The following RCBTB1 variants were observed in gnomAD, a reference collection of about 807,000 sequenced individuals.
The protein encoded by RCBTB1 is RCC1 and BTB domain containing protein 1.
RCBTB1 carries 46 observed loss-of-function variants against 62.4 expected under a neutral mutation model. The ratio of observed to expected loss-of-function variants is 0.74; its 90% CI spans 0.58 to 0.94. The LOEUF is 0.94. RCBTB1 is among the 40% of genes least tolerant of loss of function. RCBTB1 has a pLI of 0.00. For missense variants in RCBTB1, 565 were observed against 654.9 expected (o/e 0.86, Z 1.50); for synonymous variants, 222 against 245.8 (o/e 0.90, Z 0.91).
At chr13:49,557,751 T>C (rs569191625) in intron 5 of RCBTB1, among the ~76,000 whole-genome samples, 1 of 145,666 alleles carries the variant, frequency 6.9e-6, no homozygotes, top group African/African-American at 2.7e-5. Context: ...CAGATTCTTG[T>C]CTCTACAAAA....
intron 2 of RCBTB1, among the ~76,000 whole-genome samples, 180 bp downstream of exon 2, chr13:49,580,325 C>A (rs1190989931): frequency 6.6e-6 from 1 of 152,148 alleles, no homozygotes; most frequent in East Asian, 1.9e-4. Flanking sequence ...TGGCTCACAC[C>A]TGTAATCCCA....
intron 10 of RCBTB1, among the ~76,000 whole-genome samples, chr13:49,543,625 T>C (rs1402010374): frequency 6.6e-6 from 1 of 152,270 alleles, no homozygotes; most frequent in Non-Finnish European, 1.5e-5. Flanking sequence ...TTTTCTGCAA[T>C]GGCAACCTTT....
At chr13:49,569,718 CA>C (rs111570905) in intron 2 of RCBTB1, among the ~76,000 whole-genome samples, 169 of 131,516 alleles carry the variant, frequency 1.3e-3, no homozygotes, top group Middle Eastern at 3.7e-3. Flanking sequence ...GACCCTGTCT[CA>C]AAAAAAAAAA....
In RCBTB1 at chr13:49,551,124, AG is replaced by A. The variant is rs570398463; in HGVS notation, c.854+201del. 9.4e-4 allele frequency: 336 copies of A among 358,080 alleles called. 1 individual carries two copies. Among genetic ancestry groups the A allele is most frequent in the Admixed American group, 1.9e-3 (29 of 15,306 alleles). 22.2% of individuals were successfully genotyped at this position (358,080 alleles called of 1,614,324 possible). On this transcript the variant is annotated intron_variant, in intron 8 of 12. Coordinates refer to ENST00000378302, the MANE Select transcript of RCBTB1 (RefSeq NM_018191.4). ...AAAAAAGGGAAGGGAAGGGAAGGGA[AG>A]GGGGGAGGGAGAAGGGGGAAGGGGG... is the stretch of plus-strand genomic sequence containing the variant.
In RCBTB1 at chr13:49,566,724, TC is replaced by T. The variant is rs767690421; in HGVS notation, c.170del (p.Gly57GlufsTer12). 7 of 1,614,022 alleles carry T rather than the reference TC, an allele frequency of 4.3e-6. No homozygotes were observed. In the East Asian group the frequency reaches 1.3e-4, roughly 31 times the overall value. ...TGGGTACAAGTGTACTCTGGTTATC[TC>T]CAGTTCCTAGACAGTTACTATAGTT... ...GLNYSNCLGT[G>X]DNQSTLVPKK... On this transcript the variant is annotated frameshift_variant, in exon 4 of 13. Transcript: ENST00000378302. LOFTEE classifies it high-confidence loss of function.
intron 2 of RCBTB1, among the ~76,000 whole-genome samples, chr13:49,570,698 C>G (rs1342302973): frequency 6.6e-6 from 1 of 152,226 alleles, no homozygotes; most frequent in African/African-American, 2.4e-5. Context: ...GCAAGACAAT[C>G]AAGCAAAGCT....
In RCBTB1 at chr13:49,548,235, T is replaced by TA. The variant is rs527501116; in HGVS notation, c.1045+1222dup. On this transcript the variant is annotated intron_variant, in intron 9 of 12. Transcript: ENST00000378302. ...TGAAACTCTGTCTCTACTAAAAATA[T>TA]AAAAAAATTAGCCAGGCATGGTGGC... 6.8e-3 allele frequency among the ~76,000 whole-genome samples: 1,024 copies of TA among 151,420 alleles called. 10 individuals carry two copies. The highest frequency in any genetic ancestry group is 0.011 in the Non-Finnish European group (751 of 67,838).
rs73190749 is a variant in RCBTB1 at position 49,541,661 on chromosome 13, A to G, written c.1324+15T>C. On this transcript the variant is annotated intron_variant, in intron 11 of 12. Transcript: ENST00000378302. Reference sequence around the variant, plus strand: ...TCCACCATGCGGCTCGTCCATCCCAATGCTACCACAGTACCTATAGCATCT... The same window carrying G: ...TCCACCATGCGGCTCGTCCATCCCAGTGCTACCACAGTACCTATAGCATCT... 96,039 of 1,597,496 alleles carry G rather than the reference A, an allele frequency of 0.06. 3,529 individuals are homozygous for G. Among genetic ancestry groups the G allele is most frequent in the South Asian group, 0.14 (11,905 of 87,872 alleles).
chr13:49,545,048 C>G (rs1486548440), intron 9 of RCBTB1, among the ~76,000 whole-genome samples, 185 bp from the exon 10 acceptor site: 2 of 151,310 alleles, frequency 1.3e-5, no homozygotes, highest in Non-Finnish European at 2.9e-5. Context: ...TATAAACTAC[C>G]AAAGAAAACC....
chr13:49,547,470 TAAATA>T (rs1432123175), intron 9 of RCBTB1, among the ~76,000 whole-genome samples: 1 of 152,180 alleles, frequency 6.6e-6, no homozygotes, highest in Non-Finnish European at 1.5e-5. Flanking sequence ...CCTCTGCTTA[TAAATA>T]AAACAACTTA....
chr13:49,546,369 AAGAAGTT>A (rs1466182960), intron 9 of RCBTB1: 1 of 985,306 alleles, frequency 1.0e-6, no homozygotes, highest in African/African-American at 1.7e-5. Flanking sequence ...GTGGAAGGGA[AAGAAGTT>A]ATCTAGGACA....
At chr13:49,558,247 A>G (rs1226490282) in intron 5 of RCBTB1, among the ~76,000 whole-genome samples, 1 of 152,124 alleles carries the variant, frequency 6.6e-6, no homozygotes, top group Admixed American at 6.5e-5. Flanking sequence ...GGGGGTATAC[A>G]TGAGTGCACC....
rs561098593 is a variant in RCBTB1 at position 49,540,524 on chromosome 13, G to C, written c.1455+352C>G. On this transcript the variant is annotated intron_variant, in intron 12 of 12. Transcript: ENST00000378302. ...CAGGGCAGAGGTGGAAAGACAGCAA[G>C]GTAAGTCTCGAAATAAACACATATG... 1.1e-4 allele frequency among the ~76,000 whole-genome samples: 17 copies of C among 152,334 alleles called. No individual in the cohort carries two copies. In the East Asian group the frequency reaches 3.3e-3, roughly 29 times the overall value.
At chr13:49,538,475 C>G (rs1960093383) in intron 12 of RCBTB1, among the ~76,000 whole-genome samples, 1 of 152,160 alleles carries the variant, frequency 6.6e-6, no homozygotes, top group African/African-American at 2.4e-5. Context: ...CTTTGGAAGG[C>G]TGAGGTGGGA....
At chr13:49,560,342 C>T (rs570161715) in intron 4 of RCBTB1, among the ~76,000 whole-genome samples, 3 of 152,234 alleles carry the variant, frequency 2.0e-5, no homozygotes, top group South Asian at 2.1e-4. Flanking sequence ...GCAAAGTTTA[C>T]GTATGCAAGA....
At chr13:49,566,807 G>A (rs369157844) in intron 3 of RCBTB1, 39 bp from the exon 4 acceptor site, 32 of 1,564,878 alleles carry the variant, frequency 2.0e-5, no homozygotes, top group South Asian at 6.0e-5. Flanking sequence ...TCTTTTGACC[G>A]AAAGCTGTAT....
intron 10 of RCBTB1, among the ~76,000 whole-genome samples, chr13:49,544,054 T>G (rs1009425364): frequency 1.3e-5 from 2 of 152,222 alleles, no homozygotes; most frequent in Non-Finnish European, 2.9e-5. Flanking sequence ...TATGAGAGTT[T>G]TCTGCTTAAT....
intron 8 of RCBTB1, among the ~76,000 whole-genome samples, chr13:49,550,074 C>T (rs1334165463): frequency 3.3e-5 from 5 of 152,052 alleles, no homozygotes; most frequent in African/African-American, 1.2e-4. Context: ...ACTGCAGCCT[C>T]GACCTCCCAG....
intron 10 of RCBTB1, among the ~76,000 whole-genome samples, chr13:49,543,873 G>A (rs1320862142): frequency 1.3e-5 from 2 of 152,040 alleles, no homozygotes; most frequent in Non-Finnish European, 2.9e-5. Context: ...TTTTTGTAGA[G>A]ACAGTGTCTC....
Sources: gnomAD v4.1 joint callset for allele counts (sites outside exome capture counted in the v4.1 genomes callset) on GRCh38, gnomAD v4.1.1 for gene constraint, MANE v1.5 for transcripts, NCBI Gene and HGNC (gene_info 2026-07-23, HGNC 2026-07-21) for gene names.